ITGBL1: variants seen among roughly 807,000 people sequenced by gnomAD.
ITGBL1 encodes integrin subunit beta like 1.
ITGBL1 carries 51 observed loss-of-function variants against 68.5 expected under a neutral mutation model. That is an observed-to-expected ratio of 0.74 (90% confidence interval 0.59 to 0.94). The LOEUF is 0.94. Ranked by LOEUF, ITGBL1 falls within the 40% of genes least tolerant of loss-of-function variation. The pLI, the probability that ITGBL1 is intolerant of heterozygous loss-of-function variation, is 0.00. For synonymous variants in ITGBL1, 209 were observed against 227.3 expected (o/e 0.92, Z 0.72); for missense variants, 649 against 647.4 (o/e 1.00, Z -0.03).
At chr13:101,550,622 C>A (rs1260888144) in intron 2 of ITGBL1, among the ~76,000 whole-genome samples, 1 of 152,084 alleles carries the variant, frequency 6.6e-6, no homozygotes, top group African/African-American at 2.4e-5. Context: ...AATCCCAGTC[C>A]CCTTTCACAG....
intron 2 of ITGBL1, among the ~76,000 whole-genome samples, chr13:101,466,542 C>T (rs551239442): frequency 7.7e-4 from 117 of 152,292 alleles, no homozygotes; most frequent in Non-Finnish European, 1.6e-3. Flanking sequence ...CTTCCTCTTT[C>T]TCACCTTGTA....
intron 2 of ITGBL1, among the ~76,000 whole-genome samples, chr13:101,541,414 C>T (rs969089974): frequency 1.5e-4 from 23 of 151,984 alleles, no homozygotes; most frequent in African/African-American, 4.3e-4. Context: ...CACTTGATCA[C>T]GGTGGATAAG....
At chr13:101,717,124 TTAA>T (rs2034754690), downstream of ITGBL1, 2 of 152,150 alleles carry the variant, frequency 1.3e-5, no homozygotes, top group Admixed American at 1.3e-4. Context: ...AAATTTTATT[TTAA>T]TGATGTAAAT....
At chr13:101,636,524 T>C (rs1381680201) in intron 7 of ITGBL1, among the ~76,000 whole-genome samples, 2 of 152,314 alleles carry the variant, frequency 1.3e-5, no homozygotes, top group East Asian at 3.9e-4. Context: ...CTTGTTAATA[T>C]GTTACTTATA....
intron 7 of ITGBL1, among the ~76,000 whole-genome samples, chr13:101,652,718 G>C (rs2032789145): frequency 6.6e-6 from 1 of 152,156 alleles, no homozygotes; most frequent in African/African-American, 2.4e-5. Context: ...GAAGGTTCAA[G>C]AAGTGTTTCC....
chr13:101,547,459 C>CT (rs1177510305), intron 2 of ITGBL1, among the ~76,000 whole-genome samples: 8 of 151,644 alleles, frequency 5.3e-5, no homozygotes, highest in African/African-American at 1.9e-4. Flanking sequence ...TAAAATACAG[C>CT]TTTTTTCCTT....
intron 7 of ITGBL1, among the ~76,000 whole-genome samples, chr13:101,632,056 TAAAACAATAAACTTGGCTTATC>T (rs894423161): frequency 1.3e-5 from 2 of 151,770 alleles, no homozygotes; most frequent in African/African-American, 4.8e-5. Flanking sequence ...TTCTTATAAT[TAAAACAATAAACTTGGCTTATC>T]AAAACACACT....
At chr13:101,547,341 TATC>T (rs991665623) in intron 2 of ITGBL1, among the ~76,000 whole-genome samples, 3 of 151,992 alleles carry the variant, frequency 2.0e-5, no homozygotes, top group African/African-American at 7.2e-5. Flanking sequence ...TAACTTCTGC[TATC>T]ATCTTTAATT....
At chr13:101,539,994 C>T (rs1357427481) in intron 2 of ITGBL1, among the ~76,000 whole-genome samples, 2 of 152,108 alleles carry the variant, frequency 1.3e-5, no homozygotes, top group African/African-American at 2.4e-5. Flanking sequence ...TTCTCCCATT[C>T]TGTAGGTTGC....
At chr13:101,606,099 GCT>G (rs111356070) in intron 7 of ITGBL1, among the ~76,000 whole-genome samples, 107 of 124,896 alleles carry the variant, frequency 8.6e-4, no homozygotes, top group East Asian at 1.8e-3. Flanking sequence ...ATATATATAT[GCT>G]CTCTCTCTCT....
rs141647025 is a variant in ITGBL1 at position 101,649,750 on chromosome 13, C to G, written c.1016-42835C>G. 3.5e-3 allele frequency among the ~76,000 whole-genome samples: 532 copies of G among 152,260 alleles called. 15 individuals carry two copies. Among genetic ancestry groups the G allele is most frequent in the Admixed American group, 0.032 (484 of 15,284 alleles). On this transcript the variant is annotated intron_variant, in intron 7 of 10. Transcript: ENST00000376180. The stretch of plus-strand genomic sequence containing the variant: ...TTGATTTATGTATTCACCACACTAC[C>G]TTCAAGGTAATCTGGCCAAAATTTT...
intron 9 of ITGBL1, chr13:101,712,121 T>C (rs769609102): frequency 6.6e-6 from 1 of 152,202 alleles, no homozygotes; most frequent in Non-Finnish European, 1.5e-5. Flanking sequence ...CTAATAACTA[T>C]TCACACTGTG....
At chr13:101,620,716 A>T (rs2031546874) in intron 7 of ITGBL1, among the ~76,000 whole-genome samples, 1 of 152,144 alleles carries the variant, frequency 6.6e-6, no homozygotes. Flanking sequence ...TCAAAGTTAG[A>T]ATAGAAGGAG....
intron 7 of ITGBL1, among the ~76,000 whole-genome samples, chr13:101,641,814 T>C (rs1048563331): frequency 6.7e-6 from 1 of 148,932 alleles, no homozygotes; most frequent in Non-Finnish European, 1.5e-5. Context: ...TATGCGGTGG[T>C]TGGTTTTTTG....
intron 2 of ITGBL1, among the ~76,000 whole-genome samples, chr13:101,473,750 A>G (rs1263729907): frequency 1.3e-5 from 2 of 152,094 alleles, no homozygotes; most frequent in Admixed American, 1.3e-4. Context: ...AGGAGAGGGT[A>G]AAGAGGAATT....
At chr13:101,577,800 T>A (rs997287014) in intron 4 of ITGBL1, among the ~76,000 whole-genome samples, 19 of 152,150 alleles carry the variant, frequency 1.2e-4, no homozygotes, top group Non-Finnish European at 1.6e-4. Flanking sequence ...GGATGTGATT[T>A]GTGTGTGCAA....
intron 7 of ITGBL1, among the ~76,000 whole-genome samples, chr13:101,689,439 C>T (rs970728733): frequency 2.0e-5 from 3 of 151,360 alleles, no homozygotes; most frequent in Non-Finnish European, 4.4e-5. Context: ...TGAACTGAGG[C>T]AGCAAAATAA....
intron 2 of ITGBL1, among the ~76,000 whole-genome samples, chr13:101,549,929 G>A (rs1487114833): frequency 2.0e-5 from 3 of 151,926 alleles, no homozygotes; most frequent in Admixed American, 2.0e-4. Flanking sequence ...TGATCTCAGA[G>A]GTCTAGTCAC....
At chr13:101,655,280 C>T (rs1475568901) in intron 7 of ITGBL1, among the ~76,000 whole-genome samples, 1 of 152,174 alleles carries the variant, frequency 6.6e-6, no homozygotes. Flanking sequence ...TTTGTTTTAT[C>T]TTATCTCTCT....
Sources: allele counts gnomAD v4.1 joint callset (sites outside exome capture counted in the v4.1 genomes callset), GRCh38; gene constraint gnomAD v4.1.1; transcripts MANE v1.5; gene names NCBI Gene and HGNC (gene_info 2026-07-23, HGNC 2026-07-21).